PADI4: variants seen among roughly 807,000 people sequenced by gnomAD.
The protein encoded by PADI4 is protein-arginine deiminase type-4.
A neutral mutation model predicts 75.0 loss-of-function variants in PADI4; 62 were observed. The ratio of observed to expected loss-of-function variants is 0.83; its 90% CI spans 0.67 to 1.02. The LOEUF is 1.02. Ranked by LOEUF, PADI4 falls within the 50% of genes least tolerant of loss-of-function variation. The pLI is 0.00. For missense variants in PADI4, 845 were observed against 850.5 expected (o/e 0.99, Z 0.08); for synonymous variants, 361 against 348.1 (o/e 1.04, Z -0.41).
At chr1:17,336,782 C>A (rs1409825724) in intron 4 of PADI4, among the ~76,000 whole-genome samples, 1 of 152,232 alleles carries the variant, frequency 6.6e-6, no homozygotes, top group Non-Finnish European at 1.5e-5. Context: ...CTGGTGTGCA[C>A]TGGGGGCTGT....
At chr1:17,328,950 A>C (rs892762097) in intron 1 of PADI4, among the ~76,000 whole-genome samples, 3 of 150,652 alleles carry the variant, frequency 2.0e-5, no homozygotes, top group African/African-American at 7.3e-5. Flanking sequence ...CTGATTTTAA[A>C]ATATCGGTTT....
rs141962115 is a variant in PADI4, at chr1:17,319,729, G to A, written c.93-11240G>A. Reference sequence around the variant, plus strand: ...GAACAATATTTACGGACAGAAAAACGAAAGTGACCCACAGAGCACGGAAGC... The same window carrying A: ...GAACAATATTTACGGACAGAAAAACAAAAGTGACCCACAGAGCACGGAAGC... On this transcript the variant is annotated intron_variant, in intron 1 of 15. Transcript: ENST00000375448. 1.1e-4 allele frequency among the ~76,000 whole-genome samples: 16 copies of A among 152,272 alleles called. No homozygotes were observed. The East Asian group carries it at 2.1e-3, about 20-fold the overall frequency.
At chr1:17,352,012 GAGAGGCGGC>G (rs1487345049) in intron 10 of PADI4, among the ~76,000 whole-genome samples, 657 of 31,840 alleles carry the variant, frequency 0.021, 96 homozygotes, top group Middle Eastern at 0.086. Flanking sequence ...GTGATGGGAG[GAGAGGCGGC>G]CAGGGAGGTG....
chr1:17,352,273 G>T (rs2074677173), intron 10 of PADI4, among the ~76,000 whole-genome samples: 1 of 151,820 alleles, frequency 6.6e-6, no homozygotes, highest in South Asian at 2.1e-4. Context: ...GTGATGGGAG[G>T]AGATGGGGGG....
At chr1:17,318,346 A>G (rs2073976262) in intron 1 of PADI4, among the ~76,000 whole-genome samples, 1 of 152,184 alleles carries the variant, frequency 6.6e-6, no homozygotes, top group African/African-American at 2.4e-5. Flanking sequence ...TCATCTGTAA[A>G]AGAATAACAA....
intron 3 of PADI4, chr1:17,334,711 T>A (rs1048070795): frequency 2.0e-5 from 9 of 443,416 alleles, no homozygotes; most frequent in Admixed American, 9.8e-5. Flanking sequence ...TTATATCTCA[T>A]CTTCACCATT....
chr1:17,333,862 C>A, intron 2 of PADI4, 81 bp from the exon 3 acceptor site: 1 of 1,084,472 alleles, frequency 9.2e-7, no homozygotes, highest in Non-Finnish European at 1.4e-6. Context: ...GTGCCCTACC[C>A]TGAGCCGGCA....
At chr1:17,343,239 T>A (rs2074455384) in intron 8 of PADI4, among the ~76,000 whole-genome samples, 1 of 152,020 alleles carries the variant, frequency 6.6e-6, no homozygotes. Flanking sequence ...AAATTAAATT[T>A]AAATTAAATA....
rs192804767 is a variant in PADI4, at chr1:17,349,653, C to T, written c.1155+1605C>T. The stretch of plus-strand genomic sequence containing the variant: ...CCAGGAGGCAGAGGTTGCAGTGAGC[C>T]GAGATTGCACCACTGCACTCCAGCC... On this transcript the variant is annotated intron_variant, in intron 10 of 15. Transcript: ENST00000375448. Among the ~76,000 whole-genome samples, 115 of 147,198 alleles carry T rather than the reference C, an allele frequency of 7.8e-4. 2 individuals carry two copies. The highest frequency in any genetic ancestry group is 3.4e-3 in the East Asian group (17 of 5,044).
intron 1 of PADI4, among the ~76,000 whole-genome samples, chr1:17,318,981 C>T (rs1028153359): frequency 6.6e-6 from 1 of 152,080 alleles, no homozygotes; most frequent in Non-Finnish European, 1.5e-5. Context: ...AGCCACTGCG[C>T]CCAGCCTTTT....
rs1344747222 is a variant in PADI4, at chr1:17,350,571, C to T, written c.1155+2523C>T. Among the ~76,000 whole-genome samples the T allele has an allele frequency of 7.7e-5, 10 of 130,498 alleles. 2 individuals carry two copies. The highest frequency in any genetic ancestry group is 4.2e-3 in the Middle Eastern group (1 of 236). 85.6% of individuals were successfully genotyped at this position (130,498 alleles called of 152,430 possible). A position where few individuals can be genotyped will look rare whatever the true frequency, so the allele number is the denominator to read the frequency against. On this transcript the variant is annotated intron_variant, in intron 10 of 15. Transcript: ENST00000375448. ...CATCACCTGGCATCCATGAGCGTCC[C>T]CCACACAGCCCACTCTTGGGGGGCC...
chr1:17,352,534 G>A lies in PADI4; in HGVS notation c.1156-1999G>A, dbSNP rs144453607. Among the ~76,000 whole-genome samples, 236 of 152,234 alleles carry A rather than the reference G, an allele frequency of 1.6e-3. 1 individual carries two copies. The highest frequency in any genetic ancestry group is 5.4e-3 in the African/African-American group (224 of 41,532). ...GGGATGCTGGGAGTGCAGGCAGGGT[G>A]TGGCCAGAGGAGGTGAGAAGCCATG... On this transcript the variant is annotated intron_variant, in intron 10 of 15. Coordinates refer to ENST00000375448, the MANE Select transcript of PADI4 (RefSeq NM_012387.3).
At chr1:17,344,553 G>A (rs954117460) in intron 8 of PADI4, among the ~76,000 whole-genome samples, 5 of 152,212 alleles carry the variant, frequency 3.3e-5, no homozygotes, top group Admixed American at 1.3e-4. Context: ...AAATGGTTTC[G>A]TAGGCCAGGC....
Position 17,339,691 on chromosome 1 carries a change from T to C in PADI4, c.530T>C (p.Leu177Pro). The change falls in exon 6 of 16, where the codon CTG (leucine) becomes CCG (proline). Residue 177 changes from leucine (L) to proline (P), a missense_variant. Physicochemically the swap from Leu to Pro is moderately conservative, Grantham distance 98 (BLOSUM62 -3). Transcript: ENST00000375448. ...GGCAATGCCCTTCTCATCCCAGACCTGCAGGACATGTCGCTGATGACCCTG... is the reference window on the plus strand; with the variant it reads ...GGCAATGCCCTTCTCATCCCAGACCCGCAGGACATGTCGCTGATGACCCTG... Reference protein sequence around the residue: ...EDDEVLDSEDLQDMSLMTLST... With the variant: ...EDDEVLDSEDPQDMSLMTLST... 1.2e-6 allele frequency: 2 copies of C among 1,613,888 alleles called. No individual in the cohort carries two copies. The highest frequency in any genetic ancestry group is 1.7e-6 in the Non-Finnish European group (2 of 1,179,896).
rs571787244 is a variant in PADI4 at position 17,336,189 on chromosome 1, C to A, written c.371C>A (p.Thr124Asn). Reference sequence around the variant, plus strand: ...TCCTTGTGCGCAGACATCACCCGCACCGGCAAAGTGAAGCCAACCAGAGCT... The same window carrying A: ...TCCTTGTGCGCAGACATCACCCGCAACGGCAAAGTGAAGCCAACCAGAGCT... ...EISLCADITR[T>N]GKVKPTRAVK... is the part of the protein sequence containing the mutation. Residue 124 changes from threonine (T) to asparagine (N), a missense_variant, in exon 4 of 16, where the codon ACC becomes AAC. Coordinates refer to ENST00000375448, the MANE Select transcript of PADI4 (RefSeq NM_012387.3). 9.3e-6 allele frequency: 15 copies of A among 1,613,650 alleles called. No individual in the cohort carries two copies. In the East Asian group the frequency reaches 2.0e-4, roughly 22 times the overall value.
At chr1:17,321,264 G>T (rs1006165527) in intron 1 of PADI4, among the ~76,000 whole-genome samples, 8 of 152,176 alleles carry the variant, frequency 5.3e-5, no homozygotes, top group African/African-American at 1.9e-4. Context: ...TGGGAAAGTG[G>T]GGGGCAGGTG....
At chr1:17,316,948 C>T (rs973679471) in intron 1 of PADI4, among the ~76,000 whole-genome samples, 1 of 151,992 alleles carries the variant, frequency 6.6e-6, no homozygotes. Context: ...ATAGTGCTGC[C>T]GTGAATGTTC....
rs773658648 is a variant in PADI4, at chr1:17,359,344, T to C, written c.1694T>C (p.Ile565Thr). The C allele has an allele frequency of 3.1e-6, 5 of 1,602,776 alleles. No homozygotes were observed. Among genetic ancestry groups the C allele is most frequent in the Admixed American group, 1.7e-5 (1 of 59,462 alleles). ...RELGLAESDIIDIPQLFKLKE... is the reference protein window; with the variant it reads ...RELGLAESDITDIPQLFKLKE... ...CTGGGCCTGGCCGAGAGTGACATCATTGACATCCCGCAGCTCTTCAAGCTC... is the reference window on the plus strand; with the variant it reads ...CTGGGCCTGGCCGAGAGTGACATCACTGACATCCCGCAGCTCTTCAAGCTC... Residue 565 changes from isoleucine (I) to threonine (T), a missense_variant, in exon 15 of 16, where the codon ATT becomes ACT. Transcript: ENST00000375448.
At position 17,342,163 on chromosome 1, in the gene PADI4, C is replaced by T. The variant is rs2074432474; in HGVS notation, c.831+42C>T. 1.9e-6 allele frequency: 3 copies of T among 1,589,948 alleles called. No homozygotes were observed. In the Middle Eastern group the frequency reaches 5.8e-4, roughly 309 times the overall value. Reference sequence around the variant, plus strand: ...GCCCTGCATCGGGGGCCTGGGCTTCCAGGCAGTGGCCTGGCTAGGGAAAGG... The same window carrying T: ...GCCCTGCATCGGGGGCCTGGGCTTCTAGGCAGTGGCCTGGCTAGGGAAAGG... On this transcript the variant is annotated intron_variant, in intron 7 of 15. Transcript: ENST00000375448.
Sources: allele counts gnomAD v4.1 joint callset (sites outside exome capture counted in the v4.1 genomes callset), GRCh38; gene constraint gnomAD v4.1.1; transcripts MANE v1.5; gene names NCBI Gene and HGNC (gene_info 2026-07-23, HGNC 2026-07-21).